GPR89B: variants seen among roughly 807,000 people sequenced by gnomAD.
GPR89B encodes the protein golgi pH regulator B.
Under a neutral mutation model 52.4 loss-of-function variants are expected in GPR89B, and 25 were observed. The observed-to-expected ratio is 0.48, with a 90% CI of 0.35 to 0.67. The LOEUF is 0.67. GPR89B is among the 30% of genes least tolerant of loss of function. The pLI is 0.01. For missense variants in GPR89B, 146 were observed against 450.2 expected, an observed-to-expected ratio of 0.32 and a Z score of 6.11; for synonymous variants, 52 against 151.2, an observed-to-expected ratio of 0.34 and a Z score of 4.81.
intron 5 of GPR89B, among the ~76,000 whole-genome samples, chr1:147,952,479 G>C (rs1655794642): frequency 6.6e-6 from 1 of 151,846 alleles, no homozygotes; most frequent in African/African-American, 2.4e-5. Flanking sequence ...ACTAGGAATG[G>C]AGGCCAGTAG....
chr1:147,981,916 T>C (rs1462303635), intron 10 of GPR89B, among the ~76,000 whole-genome samples: 2 of 151,956 alleles, frequency 1.3e-5, no homozygotes, highest in African/African-American at 4.8e-5. Context: ...CCTCCCAAAG[T>C]GCTGGGATTA....
At position 147,936,656 on chromosome 1, in the gene GPR89B, C is replaced by A; in HGVS notation, c.72C>A (p.Phe24Leu). ...TATTTTTTGGATTTGGGTGGCTTTT[C>A]TTCATGCGCCAATTGTTTAAAGACT... Reference protein sequence around the residue: ...QILFFGFGWLFFMRQLFKDYE... With the variant: ...QILFFGFGWLLFMRQLFKDYE... The change falls in exon 2 of 14, where the codon TTC (phenylalanine) becomes TTA (leucine). Residue 24 changes from phenylalanine (F) to leucine (L), a missense_variant. By Grantham distance (22) the Phe-to-Leu change is conservative (BLOSUM62 0). Coordinates refer to ENST00000314163, the MANE Select transcript of GPR89B (RefSeq NM_016334.5). 6.2e-7 allele frequency: 1 copy of A among 1,611,972 alleles called. No homozygotes were observed. The highest frequency in any genetic ancestry group is 8.5e-7 in the Non-Finnish European group (1 of 1,178,426).
chr1:148,022,405 C>A, the GPR89B span, among the ~76,000 whole-genome samples: 19 of 151,800 alleles, frequency 1.3e-4, no homozygotes, highest in African/African-American at 4.6e-4. Flanking sequence ...CTAGACCTGG[C>A]GCTTTGTTCT....
At chr1:147,985,172 T>C (rs1658574063) in intron 10 of GPR89B, among the ~76,000 whole-genome samples, 1 of 152,178 alleles carries the variant, frequency 6.6e-6, no homozygotes, top group African/African-American at 2.4e-5. Context: ...AATCATTGTG[T>C]ACCCCTTGTT....
chr1:148,017,766 A>AAAATG, the GPR89B span, among the ~76,000 whole-genome samples: 15,483 of 150,812 alleles, frequency 0.1, 1,148 homozygotes, highest in African/African-American at 0.18. Flanking sequence ...AAAATAAAAT[A>AAAATG]AAATAAAATA....
At chr1:147,950,584 C>T (rs1158882013) in intron 5 of GPR89B, among the ~76,000 whole-genome samples, 2 of 152,210 alleles carry the variant, frequency 1.3e-5, no homozygotes, top group Non-Finnish European at 2.9e-5. Flanking sequence ...AGGCAGGCGG[C>T]TGGGAGGTGG....
At position 147,993,534 on chromosome 1, in the gene GPR89B, A is replaced by G. The variant is rs1331466909; in HGVS notation, c.*617A>G. The G allele has an allele frequency of 5.9e-6, 1 of 168,840 alleles. No individual in the cohort carries two copies. Among genetic ancestry groups the G allele is most frequent in the Admixed American group, 5.4e-5 (1 of 18,504 alleles). The allele number at this position is 168,840 out of a possible 1,614,324, so 10.5% of individuals were successfully genotyped here. A position where few individuals can be genotyped will look rare whatever the true frequency, so the allele number is the denominator to read the frequency against. ...TTTTACCAAAAGAGAGATTTCAGTT[A>G]TGTCATTTTTTCTTGATTTCCTGTG... On this transcript the variant is annotated 3_prime_UTR_variant, in exon 14 of 14. Coordinates refer to ENST00000314163, the MANE Select transcript of GPR89B (RefSeq NM_016334.5).
At chr1:147,992,209 A>G (rs1434953324) in intron 12 of GPR89B, among the ~76,000 whole-genome samples, 1 of 145,844 alleles carries the variant, frequency 6.9e-6, no homozygotes, top group East Asian at 2.0e-4. Context: ...GAGTGATCTG[A>G]CTTAATGTTT....
At chr1:147,938,909 A>G (rs1654324137) in intron 3 of GPR89B, 92 bp downstream of exon 3, 2 of 1,571,212 alleles carry the variant, frequency 1.3e-6, no homozygotes, top group East Asian at 2.3e-5. Flanking sequence ...TGAAAAAAAA[A>G]AAAACACTGT....
chr1:148,008,270 C>T, the GPR89B span, among the ~76,000 whole-genome samples: 1 of 152,352 alleles, frequency 6.6e-6, no homozygotes, highest in South Asian at 2.1e-4. Context: ...CTAAACCATT[C>T]ACCATGTGCA....
intron 3 of GPR89B, 45 bp from the exon 4 acceptor site, chr1:147,943,393 C>G (rs782471886): frequency 6.3e-7 from 1 of 1,596,752 alleles, no homozygotes; most frequent in African/African-American, 1.3e-5. Context: ...AAGAAAGTTG[C>G]TGCCCTCTCT....
intron 2 of GPR89B, among the ~76,000 whole-genome samples, chr1:147,937,093 A>G (rs1302010465): frequency 6.6e-6 from 1 of 152,044 alleles, no homozygotes; most frequent in Non-Finnish European, 1.5e-5. Context: ...ATATTTCAAC[A>G]TAGGTTCTTT....
chr1:147,945,689 T>C (rs1265323744), intron 5 of GPR89B, among the ~76,000 whole-genome samples: 1 of 152,006 alleles, frequency 6.6e-6, no homozygotes, highest in Non-Finnish European at 1.5e-5. Flanking sequence ...TCTCTATACA[T>C]GTTGCATTCT....
rs1340982809 is a variant in GPR89B, at chr1:147,928,448, G to A, written c.-89G>A. The A allele has an allele frequency of 3.9e-6, 6 of 1,524,202 alleles. No homozygotes were observed. The highest frequency in any genetic ancestry group is 2.8e-5 in the African/African-American group (2 of 72,646). The allele number at this position is 1,524,202 out of a possible 1,614,324, so 94.4% of individuals were successfully genotyped here. ...GTCCCGGCTGCAGCACCTGGGAGAAGGCAGACCGTGTGAGGGGGCCTGTGG... is the reference window on the plus strand; with the variant it reads ...GTCCCGGCTGCAGCACCTGGGAGAAAGCAGACCGTGTGAGGGGGCCTGTGG... On this transcript the variant is annotated 5_prime_UTR_variant, in exon 1 of 14. Coordinates refer to ENST00000314163, the MANE Select transcript of GPR89B (RefSeq NM_016334.5).
chr1:148,011,469 T>A, the GPR89B span: 1 of 152,256 alleles, frequency 6.6e-6, no homozygotes, highest in Non-Finnish European at 1.5e-5. Flanking sequence ...CGTGCTGGAC[T>A]TTCCCCTACC....
At chr1:147,957,296 A>G (rs1393755049) in intron 7 of GPR89B, among the ~76,000 whole-genome samples, 1 of 152,188 alleles carries the variant, frequency 6.6e-6, no homozygotes, top group Non-Finnish European at 1.5e-5. Context: ...CTACAACTTA[A>G]TGGTGTGACC....
chr1:147,995,322 T>C (rs1659289699), downstream of GPR89B, among the ~76,000 whole-genome samples: 4 of 150,472 alleles, frequency 2.7e-5, no homozygotes, highest in African/African-American at 9.8e-5. Context: ...CAGGCTCTTT[T>C]GGGGGTTCCC....
At chr1:147,951,561 G>A (rs1455369884) in intron 5 of GPR89B, among the ~76,000 whole-genome samples, 1 of 151,812 alleles carries the variant, frequency 6.6e-6, no homozygotes, top group African/African-American at 2.4e-5. Context: ...TTAGAAAAGA[G>A]AATTGAAACT....
chr1:148,025,574 G>A, the GPR89B span, among the ~76,000 whole-genome samples: 1 of 135,796 alleles, frequency 7.4e-6, no homozygotes, highest in Non-Finnish European at 1.6e-5. Context: ...CGTCCCTATT[G>A]CTTGGTGTTA....
Sources: gnomAD v4.1 joint callset for allele counts (sites outside exome capture counted in the v4.1 genomes callset) on GRCh38, gnomAD v4.1.1 for gene constraint, MANE v1.5 for transcripts, NCBI Gene and HGNC (gene_info 2026-07-23, HGNC 2026-07-21) for gene names.